USP44: variants seen among roughly 807,000 people sequenced by gnomAD.
USP44 encodes the protein ubiquitin specific peptidase 44, also known as ubiquitin carboxyl-terminal hydrolase 44.
USP44 carries 61 observed loss-of-function variants against 69.0 expected under a neutral mutation model. The observed-to-expected ratio is 0.88, with a 90% CI of 0.72 to 1.09. The LOEUF (loss-of-function observed/expected upper bound fraction) is 1.09, where lower values mean the gene tolerates loss of function less well. Ranked by LOEUF, USP44 falls within the 50% of genes least tolerant of loss-of-function variation. The pLI is 0.00. For synonymous variants in USP44, 297 were observed against 295.4 expected, an observed-to-expected ratio of 1.01 and a Z score of -0.06; for missense variants, 753 against 849.9, an observed-to-expected ratio of 0.89 and a Z score of 1.42.
chr12:95,550,759 G>A (rs2077710698), intron 1 of USP44, among the ~76,000 whole-genome samples: 1 of 152,028 alleles, frequency 6.6e-6, no homozygotes, highest in Admixed American at 6.6e-5. Context: ...CTAAAATGAT[G>A]TGAATAAATG....
At chr12:95,528,291 A>G (rs2076915661) in intron 3 of USP44, among the ~76,000 whole-genome samples, 1 of 152,178 alleles carries the variant, frequency 6.6e-6, no homozygotes, top group Non-Finnish European at 1.5e-5. Context: ...ACCTCTATCT[A>G]TAGACACTGG....
chr12:95,541,885 T>C (rs1040980819), intron 1 of USP44, among the ~76,000 whole-genome samples: 1 of 149,830 alleles, frequency 6.7e-6, no homozygotes, highest in Non-Finnish European at 1.5e-5. Context: ...TTTTTTTTTT[T>C]TTTTTTTTTT....
chr12:95,522,116 T>C, intron 4 of USP44: 1 of 985,302 alleles, frequency 1.0e-6, no homozygotes, highest in Non-Finnish European at 1.2e-6. Context: ...AATGAGTTGG[T>C]GCTACGAGGG....
rs917298195 is a variant in USP44 at position 95,548,970 on chromosome 12, G to C, written c.-71+2302C>G. The C allele has an allele frequency of 6.6e-6, 1 of 152,148 alleles. No homozygotes were observed. The highest frequency in any genetic ancestry group is 1.5e-5 in the Non-Finnish European group (1 of 68,038). 9.4% of individuals were successfully genotyped at this position (152,148 alleles called of 1,614,324 possible). ...GGCCGCCTTCCGCGCCTCGTGGGGG[G>C]GTCGGGGCCACGGACGGTCCCCGGC... On this transcript the variant is annotated intron_variant, in intron 1 of 5. Coordinates refer to ENST00000258499, the MANE Select transcript of USP44 (RefSeq NM_032147.5). The surrounding 1 kb of genome is among the most constrained non-coding windows in gnomAD (Gnocchi z 4.1).
At chr12:95,527,664 T>C (rs1467173564) in intron 3 of USP44, among the ~76,000 whole-genome samples, 1 of 150,932 alleles carries the variant, frequency 6.6e-6, no homozygotes, top group Non-Finnish European at 1.5e-5. Context: ...TCTATATTTT[T>C]AGTAGAGATG....
At chr12:95,530,197 A>G (rs1407201089) in intron 2 of USP44, among the ~76,000 whole-genome samples, 1 of 152,248 alleles carries the variant, frequency 6.6e-6, no homozygotes. Context: ...CAGATTTTAG[A>G]TTTCACAAAT....
At chr12:95,540,344 T>C (rs1326859979) in intron 1 of USP44, among the ~76,000 whole-genome samples, 2 of 143,888 alleles carry the variant, frequency 1.4e-5, no homozygotes, top group African/African-American at 2.6e-5. Flanking sequence ...CCATCCATCT[T>C]TTTTTTTTTT....
chr12:95,527,213 G>A (rs1322756147), intron 3 of USP44, among the ~76,000 whole-genome samples: 2 of 151,878 alleles, frequency 1.3e-5, no homozygotes, highest in African/African-American at 4.8e-5. Flanking sequence ...TCCTGCCTCG[G>A]CCTCTTGAAT....
intron 5 of USP44, 86 bp downstream of exon 5, chr12:95,520,911 T>TTAGTAGTCATTTTGTTTATGAC (rs1565801071): frequency 8.0e-7 from 1 of 1,257,172 alleles, no homozygotes; most frequent in African/African-American, 1.5e-5. Flanking sequence ...TTGTTTATGA[T>TTAGTAGTCATTTTGTTTATGAC]TTAGTAGTCA....
rs775426446 is a variant in USP44, at chr12:95,518,281, T to C, written c.2012A>G (p.Tyr671Cys). 3.1e-6 allele frequency: 5 copies of C among 1,614,182 alleles called. No homozygotes were observed. The highest frequency in any genetic ancestry group is 3.3e-4 in the Middle Eastern group (2 of 6,062). ...TMDEVCKAQA[Y>C]ILFYTQRVTE... ...AACTCGTTGGGTATAAAACAAGATA[T>C]AAGCTTGAGCCTTGCATACTTCATC... The change falls in exon 6 of 6, where the codon TAT becomes TGT. Residue 671 changes from tyrosine (Y) to cysteine (C), a missense_variant. Coordinates refer to ENST00000258499, the MANE Select transcript of USP44 (RefSeq NM_032147.5).
intron 1 of USP44, 118 bp from the exon 2 acceptor site, chr12:95,534,444 C>T (rs2077133166): frequency 3.6e-6 from 2 of 555,084 alleles, no homozygotes; most frequent in Non-Finnish European, 3.1e-6. Context: ...TATCATAATA[C>T]CATTGGCAGT....
At position 95,526,843 on chromosome 12, in the gene USP44, A is replaced by G. The variant is rs1044917818; in HGVS notation, c.1624+1964T>C. ...TATAGCATAGTTTACTATACACTACACTATACTACACTATATGTTTATATA... is the reference window on the plus strand; with the variant it reads ...TATAGCATAGTTTACTATACACTACGCTATACTACACTATATGTTTATATA... On this transcript the variant is annotated intron_variant, in intron 3 of 5. Transcript: ENST00000258499. Among the ~76,000 whole-genome samples the G allele has an allele frequency of 3.3e-5, 5 of 152,138 alleles. No individual in the cohort carries two copies. In the South Asian group the frequency reaches 1.0e-3, roughly 32 times the overall value.
In USP44 at chr12:95,539,877, T is replaced by C. The variant is rs181100573; in HGVS notation, c.-70-5551A>G. Among the ~76,000 whole-genome samples the C allele has an allele frequency of 1.9e-4, 29 of 152,348 alleles. No homozygotes were observed. The East Asian group carries it at 4.8e-3, about 25-fold the overall frequency. Reference sequence around the variant, plus strand: ...TAAGGGATTTTTAATCAACCGTTTATATCAAACTCCAAAATCAAATATCAC... The same window carrying C: ...TAAGGGATTTTTAATCAACCGTTTACATCAAACTCCAAAATCAAATATCAC... On this transcript the variant is annotated intron_variant, in intron 1 of 5. Coordinates refer to ENST00000258499, the MANE Select transcript of USP44 (RefSeq NM_032147.5).
chr12:95,550,230 A>G (rs1484135966), intron 1 of USP44, among the ~76,000 whole-genome samples: 2 of 151,546 alleles, frequency 1.3e-5, no homozygotes, highest in Non-Finnish European at 2.9e-5. Flanking sequence ...GGAAGTTCTT[A>G]TGTTAACAAA....
At position 95,539,575 on chromosome 12, in the gene USP44, A is replaced by G. The variant is rs570645452; in HGVS notation, c.-70-5249T>C. On this transcript the variant is annotated intron_variant, in intron 1 of 5. Coordinates refer to ENST00000258499, the MANE Select transcript of USP44 (RefSeq NM_032147.5). The stretch of plus-strand genomic sequence containing the variant: ...AAGTATACTATTTTCATTTTTAAAG[A>G]CAGATGTATTTACAAATATTCTAAA... 3.9e-5 allele frequency among the ~76,000 whole-genome samples: 6 copies of G among 152,320 alleles called. No individual in the cohort carries two copies. In the East Asian group the frequency reaches 1.2e-3, roughly 29 times the overall value.
At chr12:95,531,616 C>G (rs1473665345) in intron 2 of USP44, among the ~76,000 whole-genome samples, 1 of 152,128 alleles carries the variant, frequency 6.6e-6, no homozygotes, top group Non-Finnish European at 1.5e-5. Context: ...CTAATTGACA[C>G]AAAATCTTTG....
At chr12:95,537,577 A>G (rs1056535138) in intron 1 of USP44, among the ~76,000 whole-genome samples, 1 of 152,204 alleles carries the variant, frequency 6.6e-6, no homozygotes, top group Non-Finnish European at 1.5e-5. Context: ...TTGGCCTCCC[A>G]AAGTGCTGGG....
chr12:95,524,691 G>A lies in USP44; in HGVS notation c.1722C>T (p.Leu574=), dbSNP rs1166730535. Residue 574 remains leucine (L), a synonymous_variant, in exon 4 of 6, where the codon CTC becomes CTT. Transcript: ENST00000258499. ...GTCCTACTACAGACCTGAATCGTTT[G>A]AGGTGCAGTCTGAGAACCTGAGGTA... ...CHLPQVLRLH[L]KRFRWSGRNN... 1.9e-6 allele frequency: 3 copies of A among 1,610,042 alleles called. No individual in the cohort carries two copies. Among genetic ancestry groups the A allele is most frequent in the African/African-American group, 2.7e-5 (2 of 74,740 alleles).
chr12:95,549,870 A>G (rs1267135026), intron 1 of USP44, among the ~76,000 whole-genome samples: 1 of 152,166 alleles, frequency 6.6e-6, no homozygotes, highest in Admixed American at 6.5e-5. Flanking sequence ...AACTAACAGG[A>G]AATGGCTAAT....
Sources: gnomAD v4.1 joint callset for allele counts (sites outside exome capture counted in the v4.1 genomes callset) on GRCh38, gnomAD v4.1.1 for gene constraint, Gnocchi (gnomAD v3.1) non-coding constraint, MANE v1.5 for transcripts, NCBI Gene and HGNC (gene_info 2026-07-23, HGNC 2026-07-21) for gene names.